Variants in NALF1 observed in about 807,000 individuals in gnomAD.
NALF1 encodes NALCN channel auxiliary factor 1.
NALF1 carries 3 observed loss-of-function variants against 48.4 expected under a neutral mutation model. The ratio of observed to expected loss-of-function variants is 0.06; its 90% CI spans 0.03 to 0.16. The LOEUF (loss-of-function observed/expected upper bound fraction) is 0.16, where lower values mean the gene tolerates loss of function less well. NALF1 is among the 10% of genes least tolerant of loss of function. The pLI is 1.00. For missense variants in NALF1, 526 were observed against 571.5 expected (o/e 0.92, Z 0.81); for synonymous variants, 262 against 245.7 (o/e 1.07, Z -0.62).
At chr13:107,691,059 G>T (rs1881556746) in intron 1 of NALF1, among the ~76,000 whole-genome samples, 1 of 152,150 alleles carries the variant, frequency 6.6e-6, no homozygotes, top group African/African-American at 2.4e-5. Context: ...GGTCACACTG[G>T]AACAGGGTGG....
chr13:107,476,660 C>A (rs1885180416), intron 1 of NALF1, among the ~76,000 whole-genome samples: 1 of 151,948 alleles, frequency 6.6e-6, no homozygotes, highest in Non-Finnish European at 1.5e-5. Context: ...TTTATTAGTT[C>A]TATTTATAAA....
chr13:107,727,783 G>T (rs1391242840), intron 1 of NALF1, among the ~76,000 whole-genome samples: 2 of 152,086 alleles, frequency 1.3e-5, no homozygotes, highest in Non-Finnish European at 2.9e-5. Flanking sequence ...CTACCCATCT[G>T]ACAAAGGGCT....
chr13:107,435,801 G>T (rs187506482), intron 1 of NALF1, among the ~76,000 whole-genome samples: 3 of 151,752 alleles, frequency 2.0e-5, no homozygotes, highest in African/African-American at 4.8e-5. Flanking sequence ...GGCGGGGGAG[G>T]GGGGGAAGAT....
chr13:107,312,785 A>T (rs1882072981), intron 1 of NALF1, among the ~76,000 whole-genome samples: 1 of 152,214 alleles, frequency 6.6e-6, no homozygotes. Context: ...AACTCAAGTT[A>T]ATGGCCACTC....
At chr13:107,655,510 C>A (rs1030228813) in intron 1 of NALF1, among the ~76,000 whole-genome samples, 1 of 151,896 alleles carries the variant, frequency 6.6e-6, no homozygotes. Flanking sequence ...AAATCATAGA[C>A]AACACAAACA....
At chr13:107,348,030 C>T (rs544468741) in intron 1 of NALF1, among the ~76,000 whole-genome samples, 2 of 152,304 alleles carry the variant, frequency 1.3e-5, no homozygotes, top group East Asian at 3.9e-4. Context: ...ACCCCATGGA[C>T]GTTTTCCCCA....
intron 1 of NALF1, among the ~76,000 whole-genome samples, chr13:107,685,530 T>A (rs1881413272): frequency 6.6e-6 from 1 of 152,078 alleles, no homozygotes; most frequent in Non-Finnish European, 1.5e-5. Flanking sequence ...AAATCTTTTT[T>A]AAAATGATTA....
intron 1 of NALF1, among the ~76,000 whole-genome samples, chr13:107,220,753 A>C (rs1328022388): frequency 6.6e-6 from 1 of 152,168 alleles, no homozygotes; most frequent in Admixed American, 6.5e-5. Context: ...TGGAGGGAGC[A>C]GAAGTCAATG....
At chr13:107,384,319 C>G (rs1161274281) in intron 1 of NALF1, among the ~76,000 whole-genome samples, 1 of 152,078 alleles carries the variant, frequency 6.6e-6, no homozygotes, top group Non-Finnish European at 1.5e-5. Context: ...TGTATTAGAA[C>G]AAGTACATCT....
At chr13:107,383,466 G>A (rs1278912642) in intron 1 of NALF1, among the ~76,000 whole-genome samples, 3 of 152,068 alleles carry the variant, frequency 2.0e-5, no homozygotes, top group South Asian at 2.1e-4. Context: ...CTGTGTACAT[G>A]GACTCTGTAT....
At chr13:107,787,955 T>A (rs1256179944) in intron 1 of NALF1, among the ~76,000 whole-genome samples, 1 of 152,184 alleles carries the variant, frequency 6.6e-6, no homozygotes, top group Non-Finnish European at 1.5e-5. Flanking sequence ...AGGTTAGATG[T>A]GCATCTGCCA....
chr13:107,810,593 T>G (rs1256657654), intron 1 of NALF1, among the ~76,000 whole-genome samples: 1 of 152,130 alleles, frequency 6.6e-6, no homozygotes, highest in Non-Finnish European at 1.5e-5. Context: ...TGGGTAGATA[T>G]AAAGCTAACA....
chr13:107,866,557 C>A lies in NALF1; in HGVS notation c.40G>T (p.Gly14Cys), dbSNP rs763303628. The change falls in exon 1 of 3, where the codon GGC (glycine) becomes TGC (cysteine). Residue 14 changes from glycine (G) to cysteine (C), a missense_variant. Physicochemically the swap from Gly to Cys is radical, Grantham distance 159 (BLOSUM62 -3). Transcript: ENST00000375915. The surrounding 1 kb of genome is among the most constrained non-coding windows in gnomAD (Gnocchi z 4.4). The part of the protein sequence containing the change: ...GAWMCRQYDD[G>C]LKIWLAAPRE... The stretch of plus-strand genomic sequence containing the variant: ...GGTGCTGCCAACCAGATTTTTAAGC[C>A]GTCGTCATACTGCCGACACATCCAA... 33 of 1,611,988 alleles carry A rather than the reference C, an allele frequency of 2.0e-5. No individual in the cohort carries two copies. Among genetic ancestry groups the A allele is most frequent in the Non-Finnish European group, 2.8e-5 (33 of 1,179,914 alleles).
At position 107,778,413 on chromosome 13, in the gene NALF1, G is replaced by T. The variant is rs569404715; in HGVS notation, c.915+87269C>A. On this transcript the variant is annotated intron_variant, in intron 1 of 2. Coordinates refer to ENST00000375915, the MANE Select transcript of NALF1 (RefSeq NM_001080396.3). ...TGTGAGGAGTGGTTAAAGCAACTGG[G>T]AATATTGAACTTGAACTGAATTCTT... Among the ~76,000 whole-genome samples the T allele has an allele frequency of 3.3e-5, 5 of 152,278 alleles. No individual in the cohort carries two copies. The East Asian group carries it at 9.7e-4, about 29-fold the overall frequency.
intron 1 of NALF1, among the ~76,000 whole-genome samples, chr13:107,332,670 G>T (rs1404020575): frequency 6.6e-6 from 1 of 152,182 alleles, no homozygotes; most frequent in African/African-American, 2.4e-5. Context: ...GTAAATTTAA[G>T]AATGCAGCTG....
chr13:107,489,218 T>C (rs985160523), intron 1 of NALF1, among the ~76,000 whole-genome samples: 25 of 152,184 alleles, frequency 1.6e-4, no homozygotes, highest in African/African-American at 6.0e-4. Context: ...AAGCAATTTA[T>C]AGATTCAATG....
chr13:107,798,736 A>C (rs1432779086), intron 1 of NALF1, among the ~76,000 whole-genome samples: 1 of 152,224 alleles, frequency 6.6e-6, no homozygotes, highest in African/African-American at 2.4e-5. Flanking sequence ...TGCCACTATG[A>C]GATAAGACAA....
At chr13:107,846,228 T>C (rs541973182) in intron 1 of NALF1, among the ~76,000 whole-genome samples, 4 of 152,168 alleles carry the variant, frequency 2.6e-5, no homozygotes, top group Non-Finnish European at 4.4e-5. Context: ...AAACAGAGTA[T>C]GGCCCTGTGT....
intron 1 of NALF1, among the ~76,000 whole-genome samples, chr13:107,606,301 T>C (rs1879066196): frequency 6.7e-6 from 1 of 148,822 alleles, no homozygotes; most frequent in African/African-American, 2.4e-5. Context: ...TGTGTGTGTA[T>C]GTATACATAT....
Sources: allele counts gnomAD v4.1 joint callset (sites outside exome capture counted in the v4.1 genomes callset), GRCh38; gene constraint gnomAD v4.1.1; non-coding constraint Gnocchi (gnomAD v3.1); transcripts MANE v1.5; gene names NCBI Gene and HGNC (gene_info 2026-07-23, HGNC 2026-07-21).